The following STAC variants were observed in gnomAD, a reference collection of about 807,000 sequenced individuals.
The protein encoded by STAC is SH3 and cysteine-rich domain-containing protein.
Under a neutral mutation model 48.8 loss-of-function variants are expected in STAC, and 43 were observed. That is an observed-to-expected ratio of 0.88 (90% CI 0.69 to 1.14). STAC has a LOEUF of 1.14. STAC is among the 50% of genes most tolerant of loss of function. STAC has a pLI of 0.00. For missense variants in STAC, 497 were observed against 504.0 expected, an observed-to-expected ratio of 0.99 and a Z score of 0.13; for synonymous variants, 193 against 179.5, an observed-to-expected ratio of 1.07 and a Z score of -0.60.
At chr3:36,411,722 G>A (rs1457647571) in intron 1 of STAC, among the ~76,000 whole-genome samples, 1 of 152,184 alleles carries the variant, frequency 6.6e-6, no homozygotes, top group Non-Finnish European at 1.5e-5. Flanking sequence ...ACCAAGGGTT[G>A]TAGGCTGTGA....
At chr3:36,436,880 AC>A (rs200561301) in intron 1 of STAC, among the ~76,000 whole-genome samples, 8,094 of 152,262 alleles carry the variant, frequency 0.053, 305 homozygotes, top group Non-Finnish European at 0.077. Flanking sequence ...TACTCATCTG[AC>A]AAAGGGCTAA....
At chr3:36,389,979 G>A (rs573544393) in intron 1 of STAC, among the ~76,000 whole-genome samples, 7 of 149,526 alleles carry the variant, frequency 4.7e-5, no homozygotes, top group Admixed American at 4.0e-4. Context: ...TGGGGGGGAA[G>A]GGAGTGCAGT....
chr3:36,426,843 T>C (rs1226837960), intron 1 of STAC, among the ~76,000 whole-genome samples: 1 of 138,376 alleles, frequency 7.2e-6, no homozygotes, highest in African/African-American at 2.9e-5. Context: ...GGTTGGTTGG[T>C]TGGAATTCTG....
Position 36,546,342 on chromosome 3 carries a change from C to A in STAC, c.*53C>A. On this transcript the variant is annotated 3_prime_UTR_variant, in exon 11 of 11. Transcript: ENST00000273183. Reference sequence around the variant, plus strand: ...GGCAAGCTCTGCTGCGATGCCTCTGCCTCATCTCACACTGCGTCAACCCAA... The same window carrying A: ...GGCAAGCTCTGCTGCGATGCCTCTGACTCATCTCACACTGCGTCAACCCAA... 1 of 1,488,872 alleles carries A rather than the reference C, an allele frequency of 6.7e-7. No homozygotes were observed. Among genetic ancestry groups the A allele is most frequent in the South Asian group, 1.1e-5 (1 of 88,560 alleles). 92.2% of individuals were successfully genotyped at this position (1,488,872 alleles called of 1,614,324 possible).
At chr3:36,412,575 T>C (rs747087566) in intron 1 of STAC, among the ~76,000 whole-genome samples, 4 of 152,180 alleles carry the variant, frequency 2.6e-5, no homozygotes, top group Non-Finnish European at 5.9e-5. Flanking sequence ...GCCAAAGATA[T>C]TCTTCTACAT....
intron 1 of STAC, among the ~76,000 whole-genome samples, chr3:36,408,515 A>C (rs1479453780): frequency 6.6e-6 from 1 of 152,220 alleles, no homozygotes; most frequent in Non-Finnish European, 1.5e-5. Context: ...CCAAACATCA[A>C]AGATGCAAAT....
chr3:36,514,384 G>A (rs142492487), intron 8 of STAC, among the ~76,000 whole-genome samples: 1 of 151,402 alleles, frequency 6.6e-6, no homozygotes, highest in African/African-American at 2.4e-5. Flanking sequence ...TCATGCACTA[G>A]ATCTCAGGTC....
At chr3:36,445,916 T>C (rs548461671) in intron 2 of STAC, among the ~76,000 whole-genome samples, 9 of 152,262 alleles carry the variant, frequency 5.9e-5, no homozygotes, top group Non-Finnish European at 7.3e-5. Flanking sequence ...CCGTGTACAC[T>C]CACAGTTCAG....
intron 2 of STAC, among the ~76,000 whole-genome samples, chr3:36,466,780 T>C (rs1559502485): frequency 6.6e-6 from 1 of 152,192 alleles, no homozygotes; most frequent in Admixed American, 6.5e-5. Context: ...TATAGGATTG[T>C]ATCATCAGCA....
intron 2 of STAC, among the ~76,000 whole-genome samples, chr3:36,444,895 G>A (rs1032756152): frequency 1.3e-5 from 2 of 152,144 alleles, no homozygotes; most frequent in Non-Finnish European, 2.9e-5. Flanking sequence ...TGCTGGGCCG[G>A]GGGCGATGGA....
At chr3:36,495,844 G>A (rs1373900807) in intron 6 of STAC, among the ~76,000 whole-genome samples, 1 of 152,220 alleles carries the variant, frequency 6.6e-6, no homozygotes, top group Admixed American at 6.5e-5. Context: ...GACAACTCAC[G>A]TGAGCATCAC....
chr3:36,537,981 A>G (rs1699238627), intron 10 of STAC, among the ~76,000 whole-genome samples: 2 of 152,102 alleles, frequency 1.3e-5, no homozygotes, highest in African/African-American at 4.8e-5. Context: ...ATTTTATATT[A>G]CAAAACCAAA....
intron 8 of STAC, among the ~76,000 whole-genome samples, chr3:36,519,221 G>A (rs901824560): frequency 2.6e-5 from 4 of 152,226 alleles, no homozygotes; most frequent in Non-Finnish European, 5.9e-5. Context: ...TCATGGCAGA[G>A]GCAGGAGCAT....
At chr3:36,488,728 G>T (rs1055768185) in intron 5 of STAC, among the ~76,000 whole-genome samples, 1 of 152,064 alleles carries the variant, frequency 6.6e-6, no homozygotes, top group Non-Finnish European at 1.5e-5. Flanking sequence ...TTTATCACCA[G>T]TACTAGAGGT....
At chr3:36,537,253 T>C (rs1408342132) in intron 10 of STAC, among the ~76,000 whole-genome samples, 1 of 152,164 alleles carries the variant, frequency 6.6e-6, no homozygotes, top group Non-Finnish European at 1.5e-5. Context: ...CATATGTTCA[T>C]TGCAGCACTA....
chr3:36,409,991 G>C (rs1450559916), intron 1 of STAC, among the ~76,000 whole-genome samples: 7 of 152,144 alleles, frequency 4.6e-5, no homozygotes, highest in Non-Finnish European at 8.8e-5. Context: ...CTAAGCCAAA[G>C]ATCATCTGGA....
intron 6 of STAC, among the ~76,000 whole-genome samples, chr3:36,502,763 T>C (rs943731583): frequency 5.9e-5 from 9 of 152,178 alleles, no homozygotes; most frequent in African/African-American, 2.2e-4. Flanking sequence ...GTTTTGCTAA[T>C]CTCTACTCTT....
At chr3:36,494,659 C>T (rs563650886) in intron 6 of STAC, among the ~76,000 whole-genome samples, 47 of 152,310 alleles carry the variant, frequency 3.1e-4, no homozygotes, top group African/African-American at 1.1e-3. Context: ...CCTTGCCAGA[C>T]CCACACACAT....
At chr3:36,511,835 A>G (rs1698548199) in intron 8 of STAC, among the ~76,000 whole-genome samples, 1 of 152,174 alleles carries the variant, frequency 6.6e-6, no homozygotes, top group Non-Finnish European at 1.5e-5. Context: ...TCTTATAAAT[A>G]GTGAGAGCCA....
Sources: gnomAD v4.1 joint callset for allele counts (sites outside exome capture counted in the v4.1 genomes callset) on GRCh38, gnomAD v4.1.1 for gene constraint, MANE v1.5 for transcripts, NCBI Gene and HGNC (gene_info 2026-07-23, HGNC 2026-07-21) for gene names.